TRPM3: variants seen among roughly 807,000 people sequenced by gnomAD.
TRPM3 encodes long transient receptor potential channel 3.
TRPM3 carries 77 observed loss-of-function variants against 181.2 expected under a neutral mutation model. The ratio of observed to expected loss-of-function variants is 0.42; its 90% confidence interval spans 0.35 to 0.51. The LOEUF (loss-of-function observed/expected upper bound fraction) is 0.51, where lower values mean the gene tolerates loss of function less well. Ranked by LOEUF, TRPM3 falls within the 20% of genes least tolerant of loss-of-function variation. TRPM3 has a pLI of 0.01. For missense variants in TRPM3, 1,759 were observed against 2,196.7 expected (o/e 0.80, Z 3.98); for synonymous variants, 745 against 796.4 (o/e 0.94, Z 1.09).
Position 70,836,564 on chromosome 9 carries a change from G to A in TRPM3, c.801+6439C>T, listed in dbSNP as rs185288401. Among the ~76,000 whole-genome samples, 9 of 152,280 alleles carry A rather than the reference G, an allele frequency of 5.9e-5. No individual in the cohort carries two copies. In the East Asian group the frequency reaches 1.2e-3, roughly 20 times the overall value. ...CTCTGCCTTCCTTAGCCTCTTGATAGAACTTGGCATTGCACTTCACACTCT... is the reference window on the plus strand; with the variant it reads ...CTCTGCCTTCCTTAGCCTCTTGATAAAACTTGGCATTGCACTTCACACTCT... On this transcript the variant is annotated intron_variant, in intron 5 of 25. Coordinates refer to ENST00000677713, the MANE Select transcript of TRPM3 (RefSeq NM_001366145.2).
chr9:71,417,977 T>C (rs772153247), intron 1 of TRPM3, among the ~76,000 whole-genome samples: 3 of 152,006 alleles, frequency 2.0e-5, no homozygotes, highest in Non-Finnish European at 4.4e-5. Context: ...CTAAAAACCT[T>C]TCTTTGGTGA....
chr9:71,194,432 G>T lies in TRPM3; in HGVS notation c.183+252221C>A, dbSNP rs192186717. Among the ~76,000 whole-genome samples the T allele has an allele frequency of 1.6e-3, 238 of 151,984 alleles. 2 individuals carry two copies. Among genetic ancestry groups the T allele is most frequent in the Non-Finnish European group, 6.5e-4 (44 of 67,884 alleles). On this transcript the variant is annotated intron_variant, in intron 1 of 24. Coordinates refer to the TRPM3 transcript ENST00000357533. ...TTGCTGAATTTTAGCCAACAGAACT[G>T]GGCAAAAGAATGCATTCCACTTCTG...
At chr9:70,865,784 T>C (rs1355751656) in intron 1 of TRPM3, among the ~76,000 whole-genome samples, 1 of 151,982 alleles carries the variant, frequency 6.6e-6, no homozygotes, top group African/African-American at 2.4e-5. Flanking sequence ...TGAGCCATGG[T>C]TGAGGGGCAC....
chr9:71,441,183 T>C (rs1216194264), intron 1 of TRPM3, among the ~76,000 whole-genome samples: 1 of 152,182 alleles, frequency 6.6e-6, no homozygotes, highest in Non-Finnish European at 1.5e-5. Context: ...AAAGATATTA[T>C]TTCAGAAATG....
intron 5 of TRPM3, among the ~76,000 whole-genome samples, chr9:70,841,420 A>C (rs1411921292): frequency 6.6e-6 from 1 of 151,790 alleles, no homozygotes; most frequent in African/African-American, 2.4e-5. Context: ...ATGGAATCTG[A>C]TATCATTGAT....
chr9:70,699,829 T>C (rs144898849), intron 8 of TRPM3, among the ~76,000 whole-genome samples: 224 of 152,098 alleles, frequency 1.5e-3, no homozygotes, highest in Middle Eastern at 0.01. Context: ...TGGAGTGTGG[T>C]TGTGATGCAG....
Position 70,615,919 on chromosome 9 carries a change from T to C in TRPM3, c.2515A>G (p.Met839Val), listed in dbSNP as rs775204873. The C allele has an allele frequency of 6.2e-7, 1 of 1,603,120 alleles. No homozygotes were observed. Among genetic ancestry groups the C allele is most frequent in the East Asian group, 2.2e-5 (1 of 44,734 alleles). The change falls in exon 18 of 26, where the codon ATG (methionine) becomes GTG (valine). Residue 839 changes from methionine (M) to valine (V), a missense_variant. Physicochemically the swap from Met to Val is conservative, Grantham distance 21. This residue lies in a region of TRPM3 where 114 missense variants were observed against 134.8 expected (regional missense o/e 0.85). Coordinates refer to ENST00000677713, the MANE Select transcript of TRPM3 (RefSeq NM_001366145.2). ...CAATGTTTTCTTACTGTGAGCTCCATGTCCTCTTCCTCTTTTTCCTTTGTG... is the reference window on the plus strand; with the variant it reads ...CAATGTTTTCTTACTGTGAGCTCCACGTCCTCTTCCTCTTTTTCCTTTGTG... ...KPTKEKEEED[M>V]ELTAMLGRNN...
chr9:70,841,936 G>T (rs911143852), intron 5 of TRPM3, among the ~76,000 whole-genome samples: 2 of 151,838 alleles, frequency 1.3e-5, no homozygotes, highest in Non-Finnish European at 2.9e-5. Flanking sequence ...ACAAAAGTGG[G>T]AGGGGTGAGG....
At chr9:70,890,760 T>C (rs929821067) in intron 1 of TRPM3, among the ~76,000 whole-genome samples, 1 of 152,056 alleles carries the variant, frequency 6.6e-6, no homozygotes, top group African/African-American at 2.4e-5. Context: ...GGGATGCTAT[T>C]GGAAAATATG....
At chr9:70,990,480 T>C (rs1337580918) in intron 1 of TRPM3, among the ~76,000 whole-genome samples, 1 of 152,164 alleles carries the variant, frequency 6.6e-6, no homozygotes, top group East Asian at 1.9e-4. Context: ...GTTCAAGTTA[T>C]GAGATAAAAA....
At chr9:70,937,605 C>A (rs1330991002) in intron 1 of TRPM3, among the ~76,000 whole-genome samples, 1 of 152,008 alleles carries the variant, frequency 6.6e-6, no homozygotes, top group Non-Finnish European at 1.5e-5. Context: ...AGAAATTAAA[C>A]CTGTAGGTAA....
At chr9:70,879,217 T>C (rs1478886194) in intron 1 of TRPM3, among the ~76,000 whole-genome samples, 3 of 152,080 alleles carry the variant, frequency 2.0e-5, no homozygotes, top group Non-Finnish European at 2.9e-5. Context: ...ATGCCAGGCA[T>C]GCTGAGAAAG....
chr9:70,567,391 C>T (rs1405369717), intron 22 of TRPM3, among the ~76,000 whole-genome samples: 3 of 152,254 alleles, frequency 2.0e-5, no homozygotes, highest in Non-Finnish European at 4.4e-5. Flanking sequence ...TGCACATGCA[C>T]ATACACAGCA....
chr9:71,264,096 C>G (rs948142191), intron 1 of TRPM3, among the ~76,000 whole-genome samples: 4 of 152,138 alleles, frequency 2.6e-5, no homozygotes, highest in Non-Finnish European at 5.9e-5. Context: ...TCAGGCCACT[C>G]TCACCTATTC....
At chr9:70,662,303 C>G (rs1416551660) in intron 9 of TRPM3, among the ~76,000 whole-genome samples, 2 of 152,138 alleles carry the variant, frequency 1.3e-5, no homozygotes, top group African/African-American at 2.4e-5. Context: ...AATCTAAGAT[C>G]TGAAATCATA....
At chr9:70,744,282 C>T (rs1281654138) in intron 8 of TRPM3, among the ~76,000 whole-genome samples, 5 of 149,656 alleles carry the variant, frequency 3.3e-5, no homozygotes, top group African/African-American at 9.9e-5. Flanking sequence ...GAGCTGAGAT[C>T]ATGCCACTGC....
chr9:70,889,788 G>T (rs2096164081), intron 1 of TRPM3, among the ~76,000 whole-genome samples: 1 of 151,918 alleles, frequency 6.6e-6, no homozygotes, highest in Middle Eastern at 3.4e-3. Context: ...ATTAAGGAAA[G>T]CCTCTACCAT....
chr9:70,819,724 G>T (rs1368273020), intron 6 of TRPM3, among the ~76,000 whole-genome samples: 1 of 152,154 alleles, frequency 6.6e-6, no homozygotes, highest in Non-Finnish European at 1.5e-5. Context: ...ATATGACATA[G>T]ATTTCACTTT....
chr9:70,958,109 GA>G (rs1210716856), intron 1 of TRPM3, among the ~76,000 whole-genome samples: 1 of 152,164 alleles, frequency 6.6e-6, no homozygotes, highest in East Asian at 1.9e-4. Flanking sequence ...TTTCCCTTGG[GA>G]GTGCTCCCTG....
Sources: gnomAD v4.1 joint callset for allele counts (sites outside exome capture counted in the v4.1 genomes callset) on GRCh38, gnomAD v4.1.1 for gene constraint, gnomAD v4.1.1 regional missense constraint, MANE v1.5 for transcripts, NCBI Gene and HGNC (gene_info 2026-07-23, HGNC 2026-07-21) for gene names.